Variants in C10orf90 observed in about 807,000 individuals in gnomAD.
The protein encoded by C10orf90 is (E2-independent) E3 ubiquitin-conjugating enzyme FATS.
Under a neutral mutation model 62.5 loss-of-function variants are expected in C10orf90, and 56 were observed. The observed-to-expected ratio is 0.90, with a 90% confidence interval of 0.72 to 1.12. The LOEUF (loss-of-function observed/expected upper bound fraction) is 1.12. Ranked by LOEUF, C10orf90 falls within the 50% of genes most tolerant of loss-of-function variation. The pLI, the probability that C10orf90 is intolerant of heterozygous loss-of-function variation, is 0.00. For synonymous variants in C10orf90, 386 were observed against 340.4 expected (o/e 1.13, Z -1.47); for missense variants, 970 against 880.4 (o/e 1.10, Z -1.29).
intron 7 of C10orf90, among the ~76,000 whole-genome samples, chr10:126,436,066 T>C (rs1857905055): frequency 6.6e-6 from 1 of 152,188 alleles, no homozygotes. Context: ...CATCACCTCC[T>C]AATTCAGGTT....
intron 2 of C10orf90, among the ~76,000 whole-genome samples, chr10:126,530,804 C>T (rs1383573220): frequency 6.6e-6 from 1 of 151,914 alleles, no homozygotes; most frequent in Non-Finnish European, 1.5e-5. Flanking sequence ...AAAAGCCTAA[C>T]TGCAAAAGCT....
At chr10:126,573,832 C>G (rs543001899) in intron 2 of C10orf90, among the ~76,000 whole-genome samples, 1 of 148,568 alleles carries the variant, frequency 6.7e-6, no homozygotes, top group East Asian at 2.0e-4. Flanking sequence ...TCTAACTTTG[C>G]TTTTTTTTTT....
Position 126,425,991 on chromosome 10 carries a change from C to T in C10orf90, c.2352G>A (p.Lys784=), listed in dbSNP as rs149388609. The change falls in exon 9 of 10, where the codon AAG becomes AAA. Residue 784 remains lysine (K), a splice_region_variant and synonymous_variant. Transcript: ENST00000488181. ...CACCTGCTGGTGACGAGGCCATTACCTTTTTGAAGACTTCGGCACGGAGTC... is the reference window on the plus strand; with the variant it reads ...CACCTGCTGGTGACGAGGCCATTACTTTTTTGAAGACTTCGGCACGGAGTC... ...SNRLRAEVFK[K]QLLDQLLQRN... is the part of the protein sequence containing the mutation. The T allele has an allele frequency of 5.6e-6, 9 of 1,614,030 alleles. No homozygotes were observed. Among genetic ancestry groups the T allele is most frequent in the Non-Finnish European group, 6.8e-6 (8 of 1,179,980 alleles).
rs753162242 is a variant in C10orf90, at chr10:126,461,533, A to G, written c.1878T>C (p.Ser626=). 8 of 1,613,650 alleles carry G rather than the reference A, an allele frequency of 5.0e-6. No individual in the cohort carries two copies. In the Admixed American group the frequency reaches 1.3e-4, roughly 27 times the overall value. ...AGGGCTCAGGTGTGGTGGGGTCCTC[A>G]CTCTTCTTACATTCCTTTATTTTTA... ...LVVKIKECKK[S]EDPTTPEPSP... Residue 626 remains serine (S), a synonymous_variant, in exon 6 of 10, where the codon AGT becomes AGC. Coordinates refer to ENST00000488181, the MANE Select transcript of C10orf90 (RefSeq NM_001350921.2).
At chr10:126,569,283 G>GA (rs1564876185) in intron 2 of C10orf90, among the ~76,000 whole-genome samples, 1 of 152,120 alleles carries the variant, frequency 6.6e-6, no homozygotes, top group African/African-American at 2.4e-5. Flanking sequence ...ACATTTGATA[G>GA]AAAAAATGCA....
At chr10:126,570,784 C>G (rs955192066) in intron 2 of C10orf90, among the ~76,000 whole-genome samples, 6 of 152,176 alleles carry the variant, frequency 3.9e-5, no homozygotes, top group Non-Finnish European at 8.8e-5. Context: ...TAAATATCCC[C>G]TATGTTTCAT....
Position 126,644,765 on chromosome 10 carries a change from G to A in C10orf90, c.313+1800C>T, listed in dbSNP as rs190020081. On this transcript the variant is annotated intron_variant, in intron 2 of 9. Coordinates refer to ENST00000488181, the MANE Select transcript of C10orf90 (RefSeq NM_001350921.2). Reference sequence around the variant, plus strand: ...AAGGCATCCACATTTAAGTCACCAGGCCTCGTTGTTCTCACGGCCACCTCT... The same window carrying A: ...AAGGCATCCACATTTAAGTCACCAGACCTCGTTGTTCTCACGGCCACCTCT... Among the ~76,000 whole-genome samples, 14 of 152,270 alleles carry A rather than the reference G, an allele frequency of 9.2e-5. No individual in the cohort carries two copies. The East Asian group carries it at 2.7e-3, about 29-fold the overall frequency.
chr10:126,616,455 G>A (rs1190889483), intron 2 of C10orf90, among the ~76,000 whole-genome samples: 2 of 152,254 alleles, frequency 1.3e-5, no homozygotes, highest in Admixed American at 6.5e-5. Context: ...CTTCCAGAGA[G>A]CATTGCTACC....
intron 4 of C10orf90, among the ~76,000 whole-genome samples, chr10:126,483,404 A>T (rs1425740065): frequency 2.6e-5 from 4 of 152,208 alleles, no homozygotes; most frequent in Admixed American, 6.5e-5. Context: ...ATCCAATTAT[A>T]TCATGTGAAA....
intron 2 of C10orf90, among the ~76,000 whole-genome samples, chr10:126,610,545 T>C (rs1216087024): frequency 9.2e-5 from 14 of 152,216 alleles, no homozygotes; most frequent in Admixed American, 9.2e-4. Flanking sequence ...GATAACACTC[T>C]GGGAAGGCAG....
intron 2 of C10orf90, among the ~76,000 whole-genome samples, chr10:126,537,334 T>C (rs556703974): frequency 3.9e-5 from 6 of 152,296 alleles, no homozygotes; most frequent in African/African-American, 1.4e-4. Flanking sequence ...AAAAGAGATG[T>C]TTGAACAGGT....
intron 7 of C10orf90, among the ~76,000 whole-genome samples, chr10:126,440,273 C>T (rs1327958411): frequency 6.6e-6 from 1 of 152,112 alleles, no homozygotes; most frequent in Non-Finnish European, 1.5e-5. Flanking sequence ...CTGGCTGTCC[C>T]CACTTCCCTG....
chr10:126,537,083 T>C (rs1375187787), intron 2 of C10orf90, among the ~76,000 whole-genome samples: 1 of 152,190 alleles, frequency 6.6e-6, no homozygotes, highest in Non-Finnish European at 1.5e-5. Flanking sequence ...ATATCACACA[T>C]AAACTTTGCA....
intron 1 of C10orf90, among the ~76,000 whole-genome samples, chr10:126,654,538 G>C (rs916947518): frequency 1.3e-5 from 2 of 152,176 alleles, no homozygotes; most frequent in Non-Finnish European, 2.9e-5. Flanking sequence ...GGATTGATCT[G>C]CTATCCAGAC....
At chr10:126,582,379 C>T (rs141844495) in intron 2 of C10orf90, among the ~76,000 whole-genome samples, 61 of 152,300 alleles carry the variant, frequency 4.0e-4, no homozygotes, top group African/African-American at 8.2e-4. Flanking sequence ...TGGATCTCTA[C>T]GGTTTCTTTT....
chr10:126,587,937 G>A (rs1028127952), intron 2 of C10orf90, among the ~76,000 whole-genome samples: 5 of 152,308 alleles, frequency 3.3e-5, no homozygotes, highest in African/African-American at 1.2e-4. Context: ...ATCAGTTAAT[G>A]CATTCCCTTA....
At chr10:126,508,161 G>GAGAGAGAA (rs1183918126) in intron 3 of C10orf90, among the ~76,000 whole-genome samples, 2,721 of 140,254 alleles carry the variant, frequency 0.019, 84 homozygotes, top group African/African-American at 0.073. Context: ...GAGTGAGTGA[G>GAGAGAGAA]AGAGAGAGAG....
At chr10:126,533,287 C>G (rs1229370803) in intron 2 of C10orf90, among the ~76,000 whole-genome samples, 1 of 152,120 alleles carries the variant, frequency 6.6e-6, no homozygotes, top group Non-Finnish European at 1.5e-5. Flanking sequence ...CAACAGTATA[C>G]TTGTGGGCTT....
intron 4 of C10orf90, among the ~76,000 whole-genome samples, chr10:126,491,801 C>A (rs1311011883): frequency 6.6e-6 from 1 of 152,164 alleles, no homozygotes; most frequent in Non-Finnish European, 1.5e-5. Context: ...AGAAAAATAA[C>A]AAATTATCTC....
Sources: allele counts gnomAD v4.1 joint callset (sites outside exome capture counted in the v4.1 genomes callset), GRCh38; gene constraint gnomAD v4.1.1; transcripts MANE v1.5; gene names NCBI Gene and HGNC (gene_info 2026-07-23, HGNC 2026-07-21).